PEMT: variants seen among roughly 807,000 people sequenced by gnomAD.
The protein encoded by PEMT is phospholipid methyltransferase.
A neutral mutation model predicts 27.4 loss-of-function variants in PEMT; 23 were observed. That is an observed-to-expected ratio of 0.84 (90% CI 0.60 to 1.19). PEMT has a LOEUF of 1.19. Among genes scored for constraint, PEMT ranks in the 50% most tolerant of loss-of-function variants. The pLI, the probability that PEMT is intolerant of heterozygous loss-of-function variation, is 0.00. For missense variants in PEMT, 307 were observed against 310.1 expected, an observed-to-expected ratio of 0.99 and a Z score of 0.07; for synonymous variants, 137 against 139.1, an observed-to-expected ratio of 0.98 and a Z score of 0.11.
chr17:17,586,391 C>A (rs919978733), intron 1 of PEMT, among the ~76,000 whole-genome samples: 2 of 151,976 alleles, frequency 1.3e-5, no homozygotes, highest in Non-Finnish European at 2.9e-5. Flanking sequence ...TTGGGAACAG[C>A]CTGCAGTCTC....
chr17:17,516,714 A>G (rs944929614), intron 3 of PEMT, among the ~76,000 whole-genome samples: 1 of 152,080 alleles, frequency 6.6e-6, no homozygotes, highest in Non-Finnish European at 1.5e-5. Flanking sequence ...GTGCCAGACC[A>G]GCCTGGTCTA....
At chr17:17,534,732 A>C (rs1040338315) in intron 2 of PEMT, among the ~76,000 whole-genome samples, 3 of 152,250 alleles carry the variant, frequency 2.0e-5, no homozygotes, top group South Asian at 2.1e-4. Flanking sequence ...GCTACTCTGG[A>C]AGCTGAGGTG....
intron 1 of PEMT, among the ~76,000 whole-genome samples, chr17:17,584,558 C>T (rs1336119398): frequency 3.3e-5 from 5 of 152,166 alleles, no homozygotes; most frequent in African/African-American, 9.7e-5. Flanking sequence ...TCTCCCACCT[C>T]GGCCTCCTCC....
rs370189099 is a variant in PEMT, at chr17:17,522,267, G to A, written c.320+13C>T. 1.1e-5 allele frequency: 18 copies of A among 1,584,854 alleles called. No homozygotes were observed. The African/African-American group carries it at 2.3e-4, about 20-fold the overall frequency. ...CAGGGGTTGTGGCTCCCCAGTGAGA[G>A]AGCTGTGCTTACCAGTGCGAGCGCA... On this transcript the variant is annotated intron_variant, in intron 3 of 6. Coordinates refer to ENST00000255389, the MANE Select transcript of PEMT (RefSeq NM_148172.3).
chr17:17,581,239 C>T (rs1229803128), intron 1 of PEMT, among the ~76,000 whole-genome samples: 1 of 152,186 alleles, frequency 6.6e-6, no homozygotes, highest in East Asian at 1.9e-4. Context: ...TGTTAGTCAC[C>T]TTAGCTGAGC....
intron 2 of PEMT, among the ~76,000 whole-genome samples, chr17:17,567,659 G>T (rs1048726422): frequency 1.3e-5 from 2 of 152,266 alleles, no homozygotes; most frequent in Admixed American, 6.5e-5. Context: ...CAGGAGTCCA[G>T]CTGTGAGCAC....
At chr17:17,560,951 G>A (rs1174345517) in intron 2 of PEMT, among the ~76,000 whole-genome samples, 1 of 151,972 alleles carries the variant, frequency 6.6e-6, no homozygotes, top group Admixed American at 6.6e-5. Flanking sequence ...TGAACCCTGG[G>A]CCTGGCCTGA....
At chr17:17,574,997 A>G (rs1240968085) in intron 2 of PEMT, among the ~76,000 whole-genome samples, 1 of 152,194 alleles carries the variant, frequency 6.6e-6, no homozygotes. Context: ...GGCTTTTTAA[A>G]TACCCTGGCC....
intron 2 of PEMT, among the ~76,000 whole-genome samples, chr17:17,572,261 C>T (rs1220139385): frequency 6.6e-6 from 1 of 152,232 alleles, no homozygotes; most frequent in Non-Finnish European, 1.5e-5. Flanking sequence ...TGTCTCTTCT[C>T]CTCTGTCCTT....
intron 2 of PEMT, among the ~76,000 whole-genome samples, chr17:17,524,278 A>G (rs1004342152): frequency 1.9e-4 from 29 of 152,302 alleles, no homozygotes; most frequent in African/African-American, 6.7e-4. Context: ...GTGTGTTTTC[A>G]GTGCTCTCAG....
At chr17:17,579,965 C>T (rs911209510) in intron 1 of PEMT, among the ~76,000 whole-genome samples, 2 of 152,216 alleles carry the variant, frequency 1.3e-5, no homozygotes, top group Non-Finnish European at 2.9e-5. Context: ...CCTGGCGCTC[C>T]AGCAGGTGCC....
chr17:17,515,443 C>T (rs1483968263), intron 3 of PEMT, among the ~76,000 whole-genome samples: 2 of 152,224 alleles, frequency 1.3e-5, no homozygotes, highest in Admixed American at 6.5e-5. Context: ...CCTCCGCCTA[C>T]GGCCCCAGTC....
At chr17:17,520,735 G>A (rs1317388569) in intron 3 of PEMT, among the ~76,000 whole-genome samples, 4 of 152,342 alleles carry the variant, frequency 2.6e-5, no homozygotes, top group Middle Eastern at 3.4e-3. Context: ...GACCAAGACC[G>A]TGGGATAGCC....
At chr17:17,530,133 G>A (rs1473490491) in intron 2 of PEMT, among the ~76,000 whole-genome samples, 1 of 152,216 alleles carries the variant, frequency 6.6e-6, no homozygotes, top group Admixed American at 6.5e-5. Flanking sequence ...AGGTGAGGGA[G>A]GAGACATGCC....
chr17:17,581,829 T>G (rs1911995533), intron 1 of PEMT, among the ~76,000 whole-genome samples: 1 of 152,194 alleles, frequency 6.6e-6, no homozygotes, highest in Non-Finnish European at 1.5e-5. Context: ...CCTGCTTCGC[T>G]GGAAAGAATG....
At chr17:17,522,425 A>G (rs147903363) in intron 2 of PEMT, 30 bp from the exon 3 acceptor site, 14 of 1,246,330 alleles carry the variant, frequency 1.1e-5, no homozygotes, top group African/African-American at 3.0e-5. Context: ...CAAGAACGAG[A>G]TATTTCCTGG....
At chr17:17,565,967 C>T (rs935362898) in intron 2 of PEMT, among the ~76,000 whole-genome samples, 15 of 152,210 alleles carry the variant, frequency 9.9e-5, no homozygotes, top group Non-Finnish European at 1.3e-4. Flanking sequence ...GAGCCCAAAC[C>T]CTTTTACACC....
At chr17:17,576,143 C>T (rs1452337251) in intron 2 of PEMT, among the ~76,000 whole-genome samples, 1 of 152,144 alleles carries the variant, frequency 6.6e-6, no homozygotes, top group Non-Finnish European at 1.5e-5. Context: ...AAGCACCCCC[C>T]AGAGACAGCC....
At position 17,569,881 on chromosome 17, in the gene PEMT, G is replaced by A. The variant is rs534148655; in HGVS notation, c.204+7039C>T. Among the ~76,000 whole-genome samples, 8 of 152,324 alleles carry A rather than the reference G, an allele frequency of 5.3e-5. No individual in the cohort carries two copies. In the South Asian group the frequency reaches 1.0e-3, roughly 20 times the overall value. On this transcript the variant is annotated intron_variant, in intron 2 of 6. Transcript: ENST00000255389. ...AGGGCAGGGCAAGCAGGGGGGCTCT[G>A]GGAGCTGGAGTGGCACAGGCTGCCT... is the stretch of plus-strand genomic sequence containing the variant.
Sources: gnomAD v4.1 joint callset for allele counts (sites outside exome capture counted in the v4.1 genomes callset) on GRCh38, gnomAD v4.1.1 for gene constraint, MANE v1.5 for transcripts, NCBI Gene and HGNC (gene_info 2026-07-23, HGNC 2026-07-21) for gene names.